The following DCHS2 variants were observed in gnomAD, a reference collection of about 807,000 sequenced individuals.
DCHS2 encodes the protein dachsous cadherin-related 2.
In DCHS2, 142 loss-of-function variants were observed where a neutral mutation model predicts 182.4. That is an observed-to-expected ratio of 0.78 (90% CI 0.68 to 0.89). DCHS2 has a LOEUF of 0.89. Ranked by LOEUF, DCHS2 falls within the 40% of genes least tolerant of loss-of-function variation. The probability of loss-of-function intolerance (pLI) is 0.00; values close to 1 mark genes in which losing one functional copy is unlikely to be tolerated. For synonymous variants in DCHS2, 1,740 were observed against 1,663.3 expected, an observed-to-expected ratio of 1.05 and a Z score of -1.12; for missense variants, 4,319 against 4,198.6, an observed-to-expected ratio of 1.03 and a Z score of -0.79.
Position 154,332,514 on chromosome 4 carries a change from A to T in DCHS2, c.3694T>A (p.Ser1232Thr). The T allele has an allele frequency of 6.2e-7, 1 of 1,613,912 alleles. No individual in the cohort carries two copies. Among genetic ancestry groups the T allele is most frequent in the Non-Finnish European group, 8.5e-7 (1 of 1,179,882 alleles). Residue 1232 changes from serine (S) to threonine (T), a missense_variant, in exon 5 of 20, where the codon TCT becomes ACT. Coordinates refer to ENST00000357232, the MANE Select transcript of DCHS2 (RefSeq NM_001358235.2). Reference protein sequence around the residue: ...KNGQLLYFLLSDGKFFKMNPN... With the variant: ...KNGQLLYFLLTDGKFFKMNPN... The stretch of plus-strand genomic sequence containing the variant: ...TTCATCTTGAAGAATTTTCCATCAG[A>T]CAAAAGGAAATATAATAGCTGTCCA...
chr4:154,452,120 G>A (rs965342882), intron 1 of DCHS2, among the ~76,000 whole-genome samples: 1 of 152,112 alleles, frequency 6.6e-6, no homozygotes, highest in African/African-American at 2.4e-5. Context: ...AATCCATAAT[G>A]CCAATTATCA....
At chr4:154,394,448 A>C (rs986438531) in intron 1 of DCHS2, among the ~76,000 whole-genome samples, 2 of 152,132 alleles carry the variant, frequency 1.3e-5, no homozygotes, top group African/African-American at 4.8e-5. Flanking sequence ...ATTTTGTAGA[A>C]ACCGAATAAC....
At chr4:154,407,508 T>C (rs1049980292) in intron 1 of DCHS2, among the ~76,000 whole-genome samples, 1 of 152,202 alleles carries the variant, frequency 6.6e-6, no homozygotes, top group African/African-American at 2.4e-5. Context: ...TTTCTTTTTC[T>C]TGTGACAGGA....
At position 154,233,505 on chromosome 4, in the gene DCHS2, T is replaced by TA. The variant is rs1323699285; in HGVS notation, c.*1030dup. 2.6e-5 allele frequency: 4 copies of TA among 152,336 alleles called. No homozygotes were observed. The highest frequency in any genetic ancestry group is 4.4e-5 in the Non-Finnish European group (3 of 68,038). The allele number at this position is 152,336 out of a possible 1,614,324, so 9.4% of individuals were successfully genotyped here. On this transcript the variant is annotated 3_prime_UTR_variant, in exon 20 of 20. Coordinates refer to ENST00000357232, the MANE Select transcript of DCHS2 (RefSeq NM_001358235.2). ...AAACATTTCCATAAAAAACTTCATT[T>TA]AAAAATATATTGCTAAATTACTCTA...
intron 2 of DCHS2, 55 bp from the exon 3 acceptor site, chr4:154,366,496 T>A (rs1402824124): frequency 1.7e-6 from 2 of 1,188,392 alleles, no homozygotes; most frequent in African/African-American, 3.0e-5. Flanking sequence ...CACTAGGATG[T>A]AGAATAATTG....
chr4:154,261,208 T>G (rs2111175451), intron 14 of DCHS2, among the ~76,000 whole-genome samples: 1 of 152,338 alleles, frequency 6.6e-6, no homozygotes, highest in South Asian at 2.1e-4. Context: ...CCTGGATAAG[T>G]TATGCGGTTG....
chr4:154,347,919 A>T (rs1293164298), intron 3 of DCHS2, among the ~76,000 whole-genome samples: 1 of 151,938 alleles, frequency 6.6e-6, no homozygotes, highest in Non-Finnish European at 1.5e-5. Flanking sequence ...CCATAGACTT[A>T]TCTAAACCAG....
At chr4:154,465,703 C>T (rs762544751) in intron 1 of DCHS2, among the ~76,000 whole-genome samples, 2 of 151,994 alleles carry the variant, frequency 1.3e-5, no homozygotes, top group Non-Finnish European at 2.9e-5. Context: ...TTACTTCTAC[C>T]ATTTTCTATT....
intron 1 of DCHS2, among the ~76,000 whole-genome samples, chr4:154,396,143 C>T (rs1731920381): frequency 6.6e-6 from 1 of 151,900 alleles, no homozygotes; most frequent in African/African-American, 2.4e-5. Flanking sequence ...GATTTGAACT[C>T]TTTCTTAAAT....
intron 3 of DCHS2, among the ~76,000 whole-genome samples, chr4:154,347,283 C>T (rs1378797997): frequency 3.4e-5 from 5 of 149,072 alleles, no homozygotes; most frequent in East Asian, 3.9e-4. Context: ...ATATGGGGAA[C>T]GGCTTCTTAA....
At chr4:154,302,955 ACACACACACACACC>A (rs1222064624) in intron 12 of DCHS2, among the ~76,000 whole-genome samples, 4,630 of 76,696 alleles carry the variant, frequency 0.06, 253 homozygotes, top group African/African-American at 0.23. Flanking sequence ...ACACACACAC[ACACACACACACACC>A]CACACACACA....
At chr4:154,404,773 C>A (rs922801001) in intron 1 of DCHS2, among the ~76,000 whole-genome samples, 3 of 152,164 alleles carry the variant, frequency 2.0e-5, no homozygotes, top group Non-Finnish European at 4.4e-5. Context: ...AAATATCTTC[C>A]TTTATCTGTG....
At chr4:154,313,363 A>G (rs906227339) in intron 10 of DCHS2, among the ~76,000 whole-genome samples, 1 of 152,220 alleles carries the variant, frequency 6.6e-6, no homozygotes, top group Non-Finnish European at 1.5e-5. Context: ...GTCATATACC[A>G]TAAACATTCA....
chr4:154,486,376 C>T (rs1728586562), intron 1 of DCHS2: 5 of 1,298,464 alleles, frequency 3.9e-6, no homozygotes, highest in Admixed American at 2.3e-5. Context: ...GTGGAGTAAC[C>T]ACTAAGACAA....
chr4:154,329,429 C>A (rs929326817), intron 6 of DCHS2, 94 bp downstream of exon 6: 1 of 1,252,314 alleles, frequency 8.0e-7, no homozygotes, highest in Non-Finnish European at 1.1e-6. Context: ...CACACCAAGA[C>A]TGATGTGATA....
intron 3 of DCHS2, among the ~76,000 whole-genome samples, chr4:154,337,205 A>C (rs891228550): frequency 6.6e-6 from 1 of 152,204 alleles, no homozygotes; most frequent in African/African-American, 2.4e-5. Flanking sequence ...TTGAATATAC[A>C]CAAATGTGTA....
chr4:154,384,029 C>T (rs1173887370), intron 1 of DCHS2, among the ~76,000 whole-genome samples: 2 of 152,094 alleles, frequency 1.3e-5, no homozygotes, highest in Non-Finnish European at 2.9e-5. Flanking sequence ...ACAACACACA[C>T]ATAGAACTTT....
intron 13 of DCHS2, among the ~76,000 whole-genome samples, chr4:154,275,143 G>A (rs1375048319): frequency 6.6e-6 from 1 of 151,764 alleles, no homozygotes; most frequent in Admixed American, 6.6e-5. Context: ...GCCTTTCAAT[G>A]CCTAACACTC....
At chr4:154,406,361 G>A (rs982734333) in intron 1 of DCHS2, among the ~76,000 whole-genome samples, 2 of 152,136 alleles carry the variant, frequency 1.3e-5, no homozygotes, top group African/African-American at 2.4e-5. Context: ...TTAGAAAGGC[G>A]CCCTGAATCA....
Sources: gnomAD v4.1 joint callset for allele counts (sites outside exome capture counted in the v4.1 genomes callset) on GRCh38, gnomAD v4.1.1 for gene constraint, MANE v1.5 for transcripts, NCBI Gene and HGNC (gene_info 2026-07-23, HGNC 2026-07-21) for gene names.